WWTR1: variants seen among roughly 807,000 people sequenced by gnomAD.
The protein encoded by WWTR1 is WW domain containing transcription regulator 1.
WWTR1 carries 13 observed loss-of-function variants against 40.1 expected under a neutral mutation model. The observed-to-expected ratio is 0.32, with a 90% CI of 0.21 to 0.52. WWTR1 has a LOEUF of 0.52. Among genes scored for constraint, WWTR1 ranks in the 20% least tolerant of loss-of-function variants. The pLI, the probability that WWTR1 is intolerant of heterozygous loss-of-function variation, is 0.97. For missense variants in WWTR1, 436 were observed against 523.1 expected, an observed-to-expected ratio of 0.83 and a Z score of 1.63; for synonymous variants, 230 against 210.1, an observed-to-expected ratio of 1.09 and a Z score of -0.82.
chr3:149,620,327 C>T (rs528529668), intron 2 of WWTR1, among the ~76,000 whole-genome samples: 57 of 152,262 alleles, frequency 3.7e-4, no homozygotes, highest in Non-Finnish European at 5.9e-4. Context: ...GATATGAGAC[C>T]TGAGGATCTA....
intron 2 of WWTR1, chr3:149,576,034 A>G (rs1222419961): frequency 2.2e-6 from 1 of 456,634 alleles, no homozygotes; most frequent in East Asian, 6.9e-5. Context: ...TGTCACTCAC[A>G]GCATTCCCCA....
chr3:149,664,713 C>G (rs1031722337), intron 2 of WWTR1, among the ~76,000 whole-genome samples: 1 of 151,948 alleles, frequency 6.6e-6, no homozygotes, highest in East Asian at 1.9e-4. Flanking sequence ...CTCAGCCTCC[C>G]GAGTAGCTGG....
At chr3:149,530,499 A>T (rs954648097) in intron 4 of WWTR1, among the ~76,000 whole-genome samples, 1 of 151,974 alleles carries the variant, frequency 6.6e-6, no homozygotes, top group African/African-American at 2.4e-5. Context: ...ATATAAAATT[A>T]TAAGAACAAA....
At chr3:149,700,206 C>T (rs1715127538) in intron 1 of WWTR1, among the ~76,000 whole-genome samples, 1 of 152,128 alleles carries the variant, frequency 6.6e-6, no homozygotes, top group Admixed American at 6.5e-5. Context: ...GTGGCTTAGG[C>T]CTGTAATCCC....
chr3:149,653,157 T>A (rs1056479032), intron 2 of WWTR1, among the ~76,000 whole-genome samples: 1 of 152,246 alleles, frequency 6.6e-6, no homozygotes, highest in African/African-American at 2.4e-5. Flanking sequence ...TTTACAAGAA[T>A]GTTTGCGAAA....
At chr3:149,522,774 T>C (rs572417886) in intron 6 of WWTR1, among the ~76,000 whole-genome samples, 1 of 152,178 alleles carries the variant, frequency 6.6e-6, no homozygotes, top group Admixed American at 6.5e-5. Flanking sequence ...TGGTGGCTCA[T>C]GCCTGTAATC....
At chr3:149,712,684 C>T (rs1559847874) in intron 5 of WWTR1, among the ~76,000 whole-genome samples, 2 of 152,148 alleles carry the variant, frequency 1.3e-5, no homozygotes, top group Non-Finnish European at 2.9e-5. Flanking sequence ...CAGGCCAAAA[C>T]CAGGAGCTAA....
rs994864645 is a variant in WWTR1 at position 149,520,796 on chromosome 3, T to C, written c.*9A>G. On this transcript the variant is annotated 3_prime_UTR_variant, in exon 7 of 7. Transcript: ENST00000360632. ...GGTCATGGCTACATCCAAGTTACAA[T>C]GGTAGTGATTACAGCCAGGTTAGAA... 14 of 1,563,482 alleles carry C rather than the reference T, an allele frequency of 9.0e-6. No individual in the cohort carries two copies. The highest frequency in any genetic ancestry group is 1.2e-5 in the Non-Finnish European group (14 of 1,158,738).
intron 1 of WWTR1, among the ~76,000 whole-genome samples, chr3:149,690,094 C>T (rs1203394947): frequency 1.3e-5 from 2 of 151,980 alleles, no homozygotes; most frequent in Non-Finnish European, 2.9e-5. Flanking sequence ...TATTTGCAAG[C>T]CTCATGGTAA....
chr3:149,610,302 TG>T (rs1739675675), intron 2 of WWTR1, among the ~76,000 whole-genome samples: 1 of 152,250 alleles, frequency 6.6e-6, no homozygotes, highest in Admixed American at 6.5e-5. Context: ...TGTTTTTGTT[TG>T]ATTTTGTTTC....
chr3:149,565,503 T>G (rs1280025711), intron 3 of WWTR1, among the ~76,000 whole-genome samples: 1 of 152,198 alleles, frequency 6.6e-6, no homozygotes. Flanking sequence ...AGATTTATTT[T>G]TTATATGCTA....
intron 4 of WWTR1, 116 bp downstream of exon 4, chr3:149,542,219 G>A: frequency 8.4e-7 from 1 of 1,184,498 alleles, no homozygotes; most frequent in Non-Finnish European, 1.2e-6. Flanking sequence ...GTAGGGCTTT[G>A]AGCCCTATTG....
chr3:149,581,613 G>A (rs936984178), intron 2 of WWTR1, among the ~76,000 whole-genome samples: 1 of 152,082 alleles, frequency 6.6e-6, no homozygotes, highest in African/African-American at 2.4e-5. Flanking sequence ...GTATGGTTCC[G>A]GTCTCTACCA....
intron 3 of WWTR1, among the ~76,000 whole-genome samples, chr3:149,561,894 G>A (rs1737095996): frequency 2.6e-5 from 4 of 152,168 alleles, no homozygotes; most frequent in Admixed American, 2.6e-4. Flanking sequence ...GGTCATGGTG[G>A]GAAGGAGACC....
chr3:149,537,223 A>G (rs1735878821), intron 4 of WWTR1, among the ~76,000 whole-genome samples: 1 of 152,182 alleles, frequency 6.6e-6, no homozygotes. Flanking sequence ...TTAAAAATTT[A>G]TGTACGGCCT....
At chr3:149,604,237 C>T (rs904233779) in intron 2 of WWTR1, among the ~76,000 whole-genome samples, 4 of 152,176 alleles carry the variant, frequency 2.6e-5, no homozygotes, top group Non-Finnish European at 4.4e-5. Flanking sequence ...AATCACACTG[C>T]CAACACTGCC....
chr3:149,543,600 A>AAAAAAAAAAAAAAAAAAAC (rs1397364887), intron 3 of WWTR1, among the ~76,000 whole-genome samples: 1 of 149,564 alleles, frequency 6.7e-6, no homozygotes, highest in Non-Finnish European at 1.5e-5. Flanking sequence ...AAAAAAAAAA[A>AAAAAAAAAAAAAAAAAAAC]AAAGAACTTC....
chr3:149,673,882 AAGG>A (rs1355388618), intron 1 of WWTR1, among the ~76,000 whole-genome samples: 2 of 152,014 alleles, frequency 1.3e-5, no homozygotes, highest in Non-Finnish European at 2.9e-5. Flanking sequence ...CAAGACAGGT[AAGG>A]AGAAGATAGG....
intron 4 of WWTR1, 76 bp from the exon 5 acceptor site, chr3:149,528,045 A>G: frequency 6.5e-7 from 1 of 1,526,754 alleles, no homozygotes; most frequent in Non-Finnish European, 8.8e-7. Flanking sequence ...TCACATCAAA[A>G]CTTTTCACCA....
Sources: allele counts gnomAD v4.1 joint callset (sites outside exome capture counted in the v4.1 genomes callset), GRCh38; gene constraint gnomAD v4.1.1; transcripts MANE v1.5; gene names NCBI Gene and HGNC (gene_info 2026-07-23, HGNC 2026-07-21).